Variants in PTGER4 observed in about 807,000 individuals in gnomAD.
The protein encoded by PTGER4 is prostaglandin E2 receptor EP4 subtype.
PTGER4 carries 11 observed loss-of-function variants against 33.2 expected under a neutral mutation model. That is an observed-to-expected ratio of 0.33 (90% CI 0.21 to 0.55). The LOEUF (loss-of-function observed/expected upper bound fraction) is 0.55. PTGER4 is among the 20% of genes least tolerant of loss of function. The pLI, the probability that PTGER4 is intolerant of heterozygous loss-of-function variation, is 0.92. For synonymous variants in PTGER4, 275 were observed against 281.5 expected (o/e 0.98, Z 0.23); for missense variants, 481 against 650.2 (o/e 0.74, Z 2.83).
the PTGER4 span, among the ~76,000 whole-genome samples, chr5:40,701,187 T>A: frequency 6.6e-6 from 1 of 152,184 alleles, no homozygotes; most frequent in Non-Finnish European, 1.5e-5. Flanking sequence ...CTTAACTGGC[T>A]GGAATGATAG....
At position 40,692,094 on chromosome 5, in the gene PTGER4, C is replaced by T. The variant is rs760557532; in HGVS notation, c.1183C>T (p.Leu395Phe). The T allele has an allele frequency of 4.3e-6, 7 of 1,614,256 alleles. No homozygotes were observed. In the Admixed American group the frequency reaches 1.2e-4, roughly 27 times the overall value. Residue 395 changes from leucine to phenylalanine, a missense_variant, in exon 3 of 3, where the codon CTC becomes TTC. Physicochemically the swap from Leu to Phe is conservative, Grantham distance 22 (BLOSUM62 0). This residue lies in a region of PTGER4 where 172 missense variants were observed against 199.2 expected (regional missense o/e 0.86). Coordinates refer to ENST00000302472, the MANE Select transcript of PTGER4 (RefSeq NM_000958.3). ...GGAGATCAGCAGTACATCTCAGACC[C>T]TCCTGCCAGACCTCTCACTGCCAGA... ...LKEISSTSQT[L>F]LPDLSLPDLS...
downstream of PTGER4, chr5:40,696,631 C>CCAT (rs1209478092): frequency 1.0e-6 from 1 of 959,814 alleles, no homozygotes; most frequent in Admixed American, 6.2e-5. Context: ...AATCATTTAT[C>CCAT]CATTCCCTTT....
chr5:40,693,783 G>A (rs1265488972), downstream of PTGER4: 114 of 872,748 alleles, frequency 1.3e-4, no homozygotes, highest in Non-Finnish European at 1.6e-4. Flanking sequence ...GGGCTTTTTT[G>A]TTGTTTCAGG....
the PTGER4 span, among the ~76,000 whole-genome samples, chr5:40,723,157 CAT>C: frequency 1.3e-5 from 2 of 152,122 alleles, no homozygotes; most frequent in African/African-American, 2.4e-5. Context: ...CTCTCTGAAA[CAT>C]GTGCTGTGTC....
chr5:40,718,653 G>A, the PTGER4 span, among the ~76,000 whole-genome samples: 33,376 of 151,886 alleles, frequency 0.22, 4,343 homozygotes, highest in Admixed American at 0.37. Flanking sequence ...CATGAGAATC[G>A]CTTGAACCCA....
rs1741509718 is a variant in PTGER4 at position 40,692,903 on chromosome 5, C to T, written c.*525C>T. ...TTAATACAAGGTATAATAAAATTAT[C>T]GCAACCCCTCTCCTTCCAGTATAAC... On this transcript the variant is annotated 3_prime_UTR_variant, in exon 3 of 3. Coordinates refer to ENST00000302472, the MANE Select transcript of PTGER4 (RefSeq NM_000958.3). 6 of 981,520 alleles carry T rather than the reference C, an allele frequency of 6.1e-6. No homozygotes were observed. Among genetic ancestry groups the T allele is most frequent in the South Asian group, 4.7e-5 (1 of 21,198 alleles). The allele number at this position is 981,520 out of a possible 1,614,324, so 60.8% of individuals were successfully genotyped here.
chr5:40,697,234 G>GAAAGAAAGAAGGAAAGAAAGAAAGAAAT (rs1741625729), downstream of PTGER4, among the ~76,000 whole-genome samples: 5 of 73,572 alleles, frequency 6.8e-5, no homozygotes, highest in African/African-American at 1.7e-4. Flanking sequence ...AGAAAAGAAA[G>GAAAGAAAGAAGGAAAGAAAGAAAGAAAT]AAAGAAAGAA....
chr5:40,712,279 AC>A, the PTGER4 span, among the ~76,000 whole-genome samples: 789 of 152,200 alleles, frequency 5.2e-3, 7 homozygotes, highest in South Asian at 0.011. Context: ...TTTAAAAAAA[AC>A]CTCTAAAATT....
chr5:40,700,097 T>A, the PTGER4 span, among the ~76,000 whole-genome samples: 1 of 152,210 alleles, frequency 6.6e-6, no homozygotes, highest in Non-Finnish European at 1.5e-5. Context: ...AATGAATTCA[T>A]CAAGGCTACA....
chr5:40,694,438 A>G (rs1741543381), downstream of PTGER4, among the ~76,000 whole-genome samples: 1 of 147,802 alleles, frequency 6.8e-6, no homozygotes, highest in Non-Finnish European at 1.5e-5. Context: ...ATAAAATACC[A>G]CAGATGGGTG....
the PTGER4 span, among the ~76,000 whole-genome samples, chr5:40,709,536 A>G: frequency 6.6e-6 from 1 of 152,212 alleles, no homozygotes; most frequent in Admixed American, 6.5e-5. Context: ...ATAAAAGAGG[A>G]TACAAATAAA....
At chr5:40,716,273 T>C in the PTGER4 span, 3 of 1,614,240 alleles carry the variant, frequency 1.9e-6, no homozygotes, top group South Asian at 1.1e-5. Context: ...GTCTTCTCTT[T>C]CTCAGCAATA....
At chr5:40,704,389 G>C in the PTGER4 span, among the ~76,000 whole-genome samples, 1 of 152,092 alleles carries the variant, frequency 6.6e-6, no homozygotes, top group African/African-American at 2.4e-5. Flanking sequence ...GACCAAATGG[G>C]CAAAAGCTGG....
At chr5:40,707,794 C>T in the PTGER4 span, among the ~76,000 whole-genome samples, 2 of 152,154 alleles carry the variant, frequency 1.3e-5, no homozygotes. Flanking sequence ...AAACACTCCT[C>T]AGCAAATGTA....
the PTGER4 span, among the ~76,000 whole-genome samples, chr5:40,718,062 C>CA: frequency 7.3e-3 from 970 of 132,850 alleles, 4 homozygotes; most frequent in Non-Finnish European, 0.011. Flanking sequence ...AACTCCGTCT[C>CA]AAAAAAAAAA....
the PTGER4 span, among the ~76,000 whole-genome samples, chr5:40,724,439 C>T: frequency 1.3e-5 from 2 of 151,986 alleles, no homozygotes; most frequent in Non-Finnish European, 2.9e-5. Flanking sequence ...TCAAGACCAG[C>T]CTGGCCAACA....
chr5:40,706,187 G>A, the PTGER4 span, among the ~76,000 whole-genome samples: 3 of 152,150 alleles, frequency 2.0e-5, no homozygotes, highest in East Asian at 1.9e-4. Context: ...GAACACGGAT[G>A]GAGCTGGAGG....
At chr5:40,722,793 A>G in the PTGER4 span, among the ~76,000 whole-genome samples, 3 of 148,258 alleles carry the variant, frequency 2.0e-5, no homozygotes, top group Non-Finnish European at 3.0e-5. Flanking sequence ...GCCCCCGCCC[A>G]GCCAGCCGCC....
At chr5:40,708,321 T>C in the PTGER4 span, among the ~76,000 whole-genome samples, 1 of 151,898 alleles carries the variant, frequency 6.6e-6, no homozygotes, top group Non-Finnish European at 1.5e-5. Context: ...AAGAATCAAA[T>C]AGACACAATA....
Sources: gnomAD v4.1 joint callset for allele counts (sites outside exome capture counted in the v4.1 genomes callset) on GRCh38, gnomAD v4.1.1 for gene constraint, gnomAD v4.1.1 regional missense constraint, MANE v1.5 for transcripts, NCBI Gene and HGNC (gene_info 2026-07-23, HGNC 2026-07-21) for gene names.